Variants in NLN observed in about 807,000 individuals in gnomAD.
NLN encodes neurolysin, also known as neurolysin, mitochondrial.
A neutral mutation model predicts 79.9 loss-of-function variants in NLN; 64 were observed. The ratio of observed to expected loss-of-function variants is 0.80; its 90% confidence interval spans 0.65 to 0.99. NLN has a LOEUF of 0.99. Ranked by LOEUF, NLN falls within the 50% of genes least tolerant of loss-of-function variation. The pLI is 0.00. For missense variants in NLN, 835 were observed against 858.7 expected (o/e 0.97, Z 0.34); for synonymous variants, 267 against 296.6 (o/e 0.90, Z 1.02).
chr5:65,820,569 T>A (rs951107471), intron 12 of NLN, among the ~76,000 whole-genome samples: 5 of 151,638 alleles, frequency 3.3e-5, no homozygotes, highest in Admixed American at 2.6e-4. Flanking sequence ...GGAAGGGAGG[T>A]AAATTGTGGT....
Position 65,722,428 on chromosome 5 carries a change from G to T in NLN, c.41+14G>T, listed in dbSNP as rs943195216. The T allele has an allele frequency of 6.3e-7, 1 of 1,581,838 alleles. No homozygotes were observed. The highest frequency in any genetic ancestry group is 1.8e-5 in the Admixed American group (1 of 56,350). ...AAGCCTCCGCAGGTACCTCCAGCGCGCGGGTTAACCTTGGCCGTGGGCAGG... is the reference window on the plus strand; with the variant it reads ...AAGCCTCCGCAGGTACCTCCAGCGCTCGGGTTAACCTTGGCCGTGGGCAGG... On this transcript the variant is annotated intron_variant, in intron 1 of 12. Coordinates refer to ENST00000380985, the MANE Select transcript of NLN (RefSeq NM_020726.5).
At position 65,733,694 on chromosome 5, in the gene NLN, G is replaced by C; in HGVS notation, c.41+11280G>C. On this transcript the variant is annotated intron_variant, in intron 1 of 12. Coordinates refer to ENST00000380985, the MANE Select transcript of NLN (RefSeq NM_020726.5). ...AGTGGGATGGATACGCTTTCTTCTG[G>C]ACCCTTGGGCACTAAAATCTAGGAC... is the stretch of plus-strand genomic sequence containing the variant. The C allele has an allele frequency of 1.4e-6, 2 of 1,403,650 alleles. 1 individual carries two copies. The highest frequency in any genetic ancestry group is 5.3e-4 in the Middle Eastern group (2 of 3,748). The allele number at this position is 1,403,650 out of a possible 1,614,324, so 86.9% of individuals were successfully genotyped here. A position where few individuals can be genotyped will look rare whatever the true frequency, so the allele number is the denominator to read the frequency against.
intron 1 of NLN, among the ~76,000 whole-genome samples, chr5:65,743,509 C>T (rs1396469620): frequency 6.6e-6 from 1 of 152,118 alleles, no homozygotes; most frequent in Non-Finnish European, 1.5e-5. Flanking sequence ...AAGTATGTTA[C>T]TCTACATCAA....
rs201065265 is a variant in NLN at position 65,785,919 on chromosome 5, T to TC, written c.958+9_958+10insC. The stretch of plus-strand genomic sequence containing the variant: ...CGTAACAGCCTTTCTAGGTTAGTTC[T>TC]TTTTTTTTTTTCTATGACTGTTTTG... On this transcript the variant is annotated intron_variant, in intron 7 of 12. Coordinates refer to ENST00000380985, the MANE Select transcript of NLN (RefSeq NM_020726.5). The TC allele has an allele frequency of 8.9e-3, 4,960 of 557,970 alleles. 85 individuals carry two copies. The highest frequency in any genetic ancestry group is 0.079 in the African/African-American group (4,030 of 51,186). 34.6% of individuals were successfully genotyped at this position (557,970 alleles called of 1,614,324 possible). A position where few individuals can be genotyped will look rare whatever the true frequency, so the allele number is the denominator to read the frequency against.
At chr5:65,807,438 AT>A (rs1197012672) in intron 9 of NLN, among the ~76,000 whole-genome samples, 224 of 143,858 alleles carry the variant, frequency 1.6e-3, no homozygotes, top group Middle Eastern at 3.6e-3. Context: ...TTTGGTTTTG[AT>A]TTTTTTTTTT....
intron 8 of NLN, 26 bp from the exon 9 acceptor site, chr5:65,792,428 T>C: frequency 6.5e-7 from 1 of 1,549,958 alleles, no homozygotes; most frequent in South Asian, 1.1e-5. Flanking sequence ...TTTCCTATGT[T>C]GCCAACGCGT....
intron 1 of NLN, chr5:65,733,466 T>A: frequency 1.4e-6 from 2 of 1,410,772 alleles, no homozygotes; most frequent in South Asian, 2.3e-5. Flanking sequence ...TGGAATTGTA[T>A]CCTTCCCATC....
intron 1 of NLN, among the ~76,000 whole-genome samples, chr5:65,747,057 T>C (rs1216083317): frequency 6.6e-6 from 1 of 151,560 alleles, no homozygotes; most frequent in Non-Finnish European, 1.5e-5. Context: ...TCATGGGTGA[T>C]GTCTCTGGAA....
At chr5:65,810,286 G>A (rs1760516336) in intron 11 of NLN, 121 bp downstream of exon 11, 1 of 862,478 alleles carries the variant, frequency 1.2e-6, no homozygotes, top group African/African-American at 1.7e-5. Flanking sequence ...TCTGTAATCA[G>A]GCCATGACTT....
intron 8 of NLN, among the ~76,000 whole-genome samples, chr5:65,790,721 TAATATTATGACCTAA>T (rs1442952480): frequency 6.6e-6 from 1 of 152,242 alleles, no homozygotes; most frequent in Non-Finnish European, 1.5e-5. Flanking sequence ...TTACTTTCAC[TAATATTATGACCTAA>T]AAGTAAAACC....
intron 1 of NLN, among the ~76,000 whole-genome samples, chr5:65,754,626 C>T (rs761011690): frequency 7.2e-5 from 11 of 152,098 alleles, no homozygotes; most frequent in Non-Finnish European, 1.5e-4. Flanking sequence ...TCTTCCTGAC[C>T]TTTTCTAAAA....
At chr5:65,765,528 A>T (rs1050998161) in intron 3 of NLN, among the ~76,000 whole-genome samples, 4 of 151,980 alleles carry the variant, frequency 2.6e-5, no homozygotes, top group African/African-American at 9.7e-5. Context: ...CAAAAAAATA[A>T]AAAATAAATT....
At chr5:65,751,239 G>C (rs1002973607) in intron 1 of NLN, among the ~76,000 whole-genome samples, 5 of 152,156 alleles carry the variant, frequency 3.3e-5, no homozygotes, top group African/African-American at 1.2e-4. Flanking sequence ...GAAAGGGATG[G>C]AAAAAATGTA....
chr5:65,781,909 G>C (rs16894337), intron 6 of NLN, among the ~76,000 whole-genome samples: 8,168 of 152,138 alleles, frequency 0.054, 395 homozygotes, highest in African/African-American at 0.13. Context: ...GTTCTTCCTG[G>C]TTGTAGCTTC....
chr5:65,757,658 A>G (rs892805920), intron 1 of NLN, among the ~76,000 whole-genome samples: 2 of 152,184 alleles, frequency 1.3e-5, no homozygotes, highest in Non-Finnish European at 2.9e-5. Context: ...CATCAGTATT[A>G]CTAGTTTGAA....
At chr5:65,798,372 T>C (rs1218424597) in intron 9 of NLN, among the ~76,000 whole-genome samples, 2 of 152,246 alleles carry the variant, frequency 1.3e-5, no homozygotes, top group Non-Finnish European at 2.9e-5. Flanking sequence ...GAGACAATAC[T>C]ATTATTCATG....
intron 9 of NLN, among the ~76,000 whole-genome samples, chr5:65,802,859 G>T (rs1274562905): frequency 3.9e-5 from 6 of 152,134 alleles, no homozygotes; most frequent in Non-Finnish European, 7.4e-5. Flanking sequence ...GCAGAGAAGA[G>T]ACCCTGGGGT....
chr5:65,734,772 A>C (rs1285014302), intron 1 of NLN, among the ~76,000 whole-genome samples: 1 of 152,194 alleles, frequency 6.6e-6, no homozygotes, highest in Non-Finnish European at 1.5e-5. Context: ...CCTGCTTGCT[A>C]CAATGTATAA....
intron 12 of NLN, among the ~76,000 whole-genome samples, chr5:65,822,046 C>T (rs1158781226): frequency 6.6e-6 from 1 of 152,136 alleles, no homozygotes; most frequent in African/African-American, 2.4e-5. Flanking sequence ...ATTGTCTTGC[C>T]TTGTTTCCTT....
Sources: allele counts gnomAD v4.1 joint callset (sites outside exome capture counted in the v4.1 genomes callset), GRCh38; gene constraint gnomAD v4.1.1; transcripts MANE v1.5; gene names NCBI Gene and HGNC (gene_info 2026-07-23, HGNC 2026-07-21).